The following NTN1 variants were observed in gnomAD, a reference collection of about 807,000 sequenced individuals.
NTN1 encodes the protein netrin 1.
A neutral mutation model predicts 54.2 loss-of-function variants in NTN1; 11 were observed. The ratio of observed to expected loss-of-function variants is 0.20; its 90% CI spans 0.13 to 0.34. The LOEUF is 0.34. Among genes scored for constraint, NTN1 ranks in the 10% least tolerant of loss-of-function variants. The pLI, the probability that NTN1 is intolerant of heterozygous loss-of-function variation, is 1.00. For missense variants in NTN1, 740 were observed against 893.1 expected, an observed-to-expected ratio of 0.83 and a Z score of 2.18; for synonymous variants, 371 against 382.0, an observed-to-expected ratio of 0.97 and a Z score of 0.33.
At chr17:9,077,557 CA>C (rs1368486949) in intron 2 of NTN1, among the ~76,000 whole-genome samples, 7 of 152,102 alleles carry the variant, frequency 4.6e-5, no homozygotes, top group African/African-American at 1.7e-4. Context: ...TTGTGAAGAC[CA>C]AATCAGCTAA....
At chr17:9,182,778 G>T (rs2142319655) in intron 4 of NTN1, 138 bp from the exon 5 acceptor site, 1 of 881,112 alleles carries the variant, frequency 1.1e-6, no homozygotes, top group Non-Finnish European at 1.9e-6. Flanking sequence ...CTCCTCTTGA[G>T]CCAAGGAGTG....
the NTN1 span, among the ~76,000 whole-genome samples, chr17:9,005,835 C>T: frequency 6.6e-6 from 1 of 152,192 alleles, no homozygotes; most frequent in Non-Finnish European, 1.5e-5. Context: ...GCACCGCAGG[C>T]TGCCTGGATG....
In NTN1 at chr17:9,216,561, A is replaced by G. The variant is rs75034181; in HGVS notation, c.1412-4607A>G. On this transcript the variant is annotated intron_variant, in intron 5 of 6. Coordinates refer to ENST00000173229, the MANE Select transcript of NTN1 (RefSeq NM_004822.3). ...TGAAGAAGAAAAAAATTGCAGATCC[A>G]TGTACTGGTGCAATGGCTGGATTCC... Among the ~76,000 whole-genome samples, 928 of 152,230 alleles carry G rather than the reference A, an allele frequency of 6.1e-3. 4 individuals are homozygous for G. Among genetic ancestry groups the G allele is most frequent in the Middle Eastern group, 0.02 (6 of 294 alleles).
chr17:9,154,363 C>T (rs183948853), intron 2 of NTN1, among the ~76,000 whole-genome samples: 5 of 152,314 alleles, frequency 3.3e-5, no homozygotes, highest in Admixed American at 3.3e-4. Flanking sequence ...TAAATTCATG[C>T]CCTACCAGAT....
intron 2 of NTN1, among the ~76,000 whole-genome samples, chr17:9,056,115 G>A (rs1372172521): frequency 1.3e-5 from 2 of 151,908 alleles, no homozygotes; most frequent in East Asian, 1.9e-4. Context: ...GGAGTACAAC[G>A]GCGTGACCTC....
intron 2 of NTN1, among the ~76,000 whole-genome samples, chr17:9,058,249 A>G (rs2091985242): frequency 6.6e-6 from 1 of 152,172 alleles, no homozygotes; most frequent in South Asian, 2.1e-4. Flanking sequence ...GGTTACATGG[A>G]TGAATTCTGT....
At chr17:9,202,911 T>C (rs975983250) in intron 5 of NTN1, among the ~76,000 whole-genome samples, 1 of 152,124 alleles carries the variant, frequency 6.6e-6, no homozygotes, top group Non-Finnish European at 1.5e-5. Flanking sequence ...ATTTTCTTTT[T>C]TTCTTATTTT....
At chr17:9,044,541 G>A (rs1284576254) in intron 2 of NTN1, among the ~76,000 whole-genome samples, 2 of 151,926 alleles carry the variant, frequency 1.3e-5, no homozygotes, top group Non-Finnish European at 2.9e-5. Flanking sequence ...CCAGCCTCTG[G>A]CATGTTTTTT....
rs869298978 is a variant in NTN1 at position 9,235,738 on chromosome 17, CTTTTTTTTTTTCT to C, written c.1487-3890_1487-3878del. On this transcript the variant is annotated intron_variant, in intron 6 of 6. Transcript: ENST00000173229. ...TAGCTGCAGCCTCTTCTTCTTTCTTCTTTTTTTTTTTCTTTTTTTTTTTTTTGGAGACAGAGTC... is the reference window on the plus strand; with the variant it reads ...TAGCTGCAGCCTCTTCTTCTTTCTTCTTTTTTTTTTTTTGGAGACAGAGTC... 4.4e-3 allele frequency among the ~76,000 whole-genome samples: 241 copies of C among 55,190 alleles called. 3 individuals are homozygous for C. Among genetic ancestry groups the C allele is most frequent in the Middle Eastern group, 0.014 (1 of 72 alleles). 36.2% of individuals were successfully genotyped at this position (55,190 alleles called of 152,430 possible).
chr17:9,036,871 G>T (rs1024318308), intron 2 of NTN1, among the ~76,000 whole-genome samples: 2 of 152,044 alleles, frequency 1.3e-5, no homozygotes, highest in Admixed American at 6.6e-5. Context: ...GACTGCTCAG[G>T]CTCTAACTGG....
chr17:9,027,264 A>G (rs189920865), intron 2 of NTN1, among the ~76,000 whole-genome samples: 43 of 152,230 alleles, frequency 2.8e-4, no homozygotes, highest in African/African-American at 9.6e-4. Context: ...TATTGTCATT[A>G]TGATGATTAA....
chr17:9,240,895 T>C lies in NTN1; in HGVS notation c.*927T>C, dbSNP rs958308865. 6.6e-6 allele frequency: 1 copy of C among 152,264 alleles called. No homozygotes were observed. Among genetic ancestry groups the C allele is most frequent in the Non-Finnish European group, 1.5e-5 (1 of 68,048 alleles). 9.4% of individuals were successfully genotyped at this position (152,264 alleles called of 1,614,324 possible). On this transcript the variant is annotated 3_prime_UTR_variant, in exon 7 of 7. Transcript: ENST00000173229. ...CAAAACCTCCCAGAGAGTTTCCTTTTGGAAACTTGGAACCAGCCCTTTTTA... is the reference window on the plus strand; with the variant it reads ...CAAAACCTCCCAGAGAGTTTCCTTTCGGAAACTTGGAACCAGCCCTTTTTA...
chr17:9,114,153 GAA>G lies in NTN1; in HGVS notation c.1019-48647_1019-48646del, dbSNP rs869056034. 5.0e-3 allele frequency among the ~76,000 whole-genome samples: 469 copies of G among 92,998 alleles called. 11 individuals carry two copies. The highest frequency in any genetic ancestry group is 8.5e-3 in the African/African-American group (216 of 25,500). The allele number at this position is 92,998 out of a possible 152,430, so 61.0% of individuals were successfully genotyped here. On this transcript the variant is annotated intron_variant, in intron 2 of 6. Coordinates refer to ENST00000173229, the MANE Select transcript of NTN1 (RefSeq NM_004822.3). ...CTCTAGCCTGGGTGCCAAAAAAAAA[GAA>G]AAAAAAAAAAAATATATATATATAT... is the stretch of plus-strand genomic sequence containing the variant.
chr17:9,063,352 C>T (rs1483713279), intron 2 of NTN1, among the ~76,000 whole-genome samples: 2 of 152,286 alleles, frequency 1.3e-5, no homozygotes, highest in East Asian at 3.9e-4. Flanking sequence ...CCCACCTCGG[C>T]CTCCCAAAGT....
the NTN1 span, among the ~76,000 whole-genome samples, chr17:9,007,091 C>G: frequency 2.0e-5 from 3 of 152,230 alleles, no homozygotes; most frequent in African/African-American, 7.2e-5. Flanking sequence ...GATTACGAGA[C>G]TCCATTGTTT....
intron 2 of NTN1, among the ~76,000 whole-genome samples, chr17:9,023,690 C>G (rs1597461228): frequency 2.6e-5 from 4 of 152,366 alleles, no homozygotes; most frequent in Admixed American, 2.6e-4. Context: ...TGGATCCAAA[C>G]GCAAACATTC....
intron 3 of NTN1, among the ~76,000 whole-genome samples, chr17:9,178,111 C>T (rs1435722053): frequency 6.6e-6 from 1 of 152,174 alleles, no homozygotes; most frequent in African/African-American, 2.4e-5. Context: ...GCAGGAGAAT[C>T]GTTTGAACCC....
At chr17:9,126,537 G>T (rs764764521) in intron 2 of NTN1, among the ~76,000 whole-genome samples, 3 of 152,064 alleles carry the variant, frequency 2.0e-5, no homozygotes, top group Non-Finnish European at 2.9e-5. Context: ...GAGAGAGAGA[G>T]ATAAAGGGTA....
Position 9,165,304 on chromosome 17 carries a change from A to T in NTN1, c.1207+2303A>T, listed in dbSNP as rs533234222. Among the ~76,000 whole-genome samples the T allele has an allele frequency of 1.3e-5, 2 of 152,186 alleles. No homozygotes were observed. Among genetic ancestry groups the T allele is most frequent in the Non-Finnish European group, 2.9e-5 (2 of 68,034 alleles). On this transcript the variant is annotated intron_variant, in intron 3 of 6. Transcript: ENST00000173229. This position sits in a 1 kb window ranked among gnomAD's most constrained non-coding sequence, Gnocchi z 4.5. Reference sequence around the variant, plus strand: ...GGACAAGAGCCATTTGCAGCCTCTCACCACTCAGAGTGAGAGACGTCAGGA... The same window carrying T: ...GGACAAGAGCCATTTGCAGCCTCTCTCCACTCAGAGTGAGAGACGTCAGGA...
Sources: allele counts gnomAD v4.1 joint callset (sites outside exome capture counted in the v4.1 genomes callset), GRCh38; gene constraint gnomAD v4.1.1; non-coding constraint Gnocchi (gnomAD v3.1); transcripts MANE v1.5; gene names NCBI Gene and HGNC (gene_info 2026-07-23, HGNC 2026-07-21).